The following CIT variants were observed in gnomAD, a reference collection of about 807,000 sequenced individuals.
CIT encodes citron Rho-interacting kinase.
In CIT, 79 loss-of-function variants were observed where a neutral mutation model predicts 272.7. That is an observed-to-expected ratio of 0.29 (90% CI 0.24 to 0.35). CIT has a LOEUF of 0.35. CIT is among the 10% of genes least tolerant of loss of function. The pLI is 1.00. For synonymous variants in CIT, 948 were observed against 995.6 expected (o/e 0.95, Z 0.90); for missense variants, 1,909 against 2,618.3 (o/e 0.73, Z 5.91).
At chr12:119,803,987 A>AC in intron 9 of CIT, 1 of 187,478 alleles carries the variant, frequency 5.3e-6, no homozygotes, top group Non-Finnish European at 9.4e-6. Context: ...CTTATTAACC[A>AC]CTTTTTTTTT....
At chr12:119,757,276 C>A in intron 22 of CIT, 95 bp downstream of exon 22, 1 of 1,482,622 alleles carries the variant, frequency 6.7e-7, no homozygotes, top group African/African-American at 1.4e-5. Flanking sequence ...AGCACAATGT[C>A]TCTTGTATAG....
At chr12:119,691,391 C>T (rs1230376707) in intron 46 of CIT, among the ~76,000 whole-genome samples, 1 of 152,142 alleles carries the variant, frequency 6.6e-6, no homozygotes, top group African/African-American at 2.4e-5. Flanking sequence ...CCATGTCTGT[C>T]CCACTCCTGG....
chr12:119,820,974 GTAAA>G (rs200026848), intron 9 of CIT, among the ~76,000 whole-genome samples: 3,285 of 152,010 alleles, frequency 0.022, 44 homozygotes, highest in Non-Finnish European at 0.033. Context: ...TGTCTCAAAA[GTAAA>G]TAAATAAAGA....
Position 119,712,999 on chromosome 12 carries a change from C to T in CIT, c.4579+204G>A. 1 of 613,928 alleles carries T rather than the reference C, an allele frequency of 1.6e-6. No homozygotes were observed. 38.0% of individuals were successfully genotyped at this position (613,928 alleles called of 1,614,324 possible). ...AGCAGGTGGAATCTTCAGGGCAGCG[C>T]CCTGCGGGTTCTTCAGGGGGGAGAC... On this transcript the variant is annotated intron_variant, in intron 35 of 47. Coordinates refer to ENST00000392521, the MANE Select transcript of CIT (RefSeq NM_001206999.2). This position sits in a 1 kb window ranked among gnomAD's most constrained non-coding sequence, Gnocchi z 5.2.
At position 119,770,748 on chromosome 12, in the gene CIT, G is replaced by A. The variant is rs751329202; in HGVS notation, c.2208+37C>T. Reference sequence around the variant, plus strand: ...CCCTTCCCTTTGCAAACTCTAACCTGTTATCTTTTAACTTTGCGACTTTCA... The same window carrying A: ...CCCTTCCCTTTGCAAACTCTAACCTATTATCTTTTAACTTTGCGACTTTCA... On this transcript the variant is annotated intron_variant, in intron 18 of 47. Transcript: ENST00000392521. This position sits in a 1 kb window ranked among gnomAD's most constrained non-coding sequence, Gnocchi z 4.4. 88 of 1,612,114 alleles carry A rather than the reference G, an allele frequency of 5.5e-5. No homozygotes were observed. Among genetic ancestry groups the A allele is most frequent in the East Asian group, 2.7e-4 (12 of 44,868 alleles).
rs1204472789 is a variant in CIT at position 119,686,098 on chromosome 12, T to G, written c.*2134A>C. On this transcript the variant is annotated 3_prime_UTR_variant, in exon 48 of 48. Transcript: ENST00000392521. ...AAAGTAAGTGTTGAAAAATGCACCT[T>G]TTACAATAAAAAAGTAGAAACCAAT... is the stretch of plus-strand genomic sequence containing the variant. 1 of 152,422 alleles carries G rather than the reference T, an allele frequency of 6.6e-6. No homozygotes were observed. Among genetic ancestry groups the G allele is most frequent in the African/African-American group, 2.4e-5 (1 of 41,394 alleles). The allele number at this position is 152,422 out of a possible 1,614,324, so 9.4% of individuals were successfully genotyped here.
intron 2 of CIT, among the ~76,000 whole-genome samples, chr12:119,870,549 CAAAAAAAAAA>C (rs57894300): frequency 7.6e-5 from 4 of 52,412 alleles, no homozygotes; most frequent in African/African-American, 2.7e-4. Context: ...GACTCCCTCT[CAAAAAAAAAA>C]AAAAAAAAAA....
intron 16 of CIT, among the ~76,000 whole-genome samples, chr12:119,775,459 C>T (rs1359843879): frequency 6.6e-6 from 1 of 152,178 alleles, no homozygotes; most frequent in African/African-American, 2.4e-5. Flanking sequence ...GGAACTACTT[C>T]TCTTACAAAT....
intron 24 of CIT, among the ~76,000 whole-genome samples, chr12:119,741,901 T>C (rs1959075640): frequency 6.6e-6 from 1 of 152,212 alleles, no homozygotes; most frequent in Admixed American, 6.5e-5. Context: ...CAAAGAGTCC[T>C]AGATTTTGAA....
chr12:119,844,638 T>C (rs1299310652), intron 5 of CIT, among the ~76,000 whole-genome samples: 2 of 152,198 alleles, frequency 1.3e-5, no homozygotes, highest in African/African-American at 4.8e-5. Context: ...GTGAAAACTA[T>C]ACCCTTAGCA....
At position 119,689,666 on chromosome 12, in the gene CIT, C is replaced by CTTTTT. The variant is rs531946559; in HGVS notation, c.6186+480_6186+484dup. Among the ~76,000 whole-genome samples the CTTTTT allele has an allele frequency of 2.3e-3, 175 of 75,076 alleles. 31 individuals carry two copies. Among genetic ancestry groups the CTTTTT allele is most frequent in the African/African-American group, 3.0e-3 (65 of 21,388 alleles). 49.3% of individuals were successfully genotyped at this position (75,076 alleles called of 152,430 possible). On this transcript the variant is annotated intron_variant, in intron 47 of 47. Transcript: ENST00000392521. Reference sequence around the variant, plus strand: ...ACGTTATCCATTTGCTTAGGAAGCTCTTTTTTTTTTTTTTTTTTTTTTTTT... The same window carrying CTTTTT: ...ACGTTATCCATTTGCTTAGGAAGCTCTTTTTTTTTTTTTTTTTTTTTTTTTTTTTT...
chr12:119,863,200 TC>T (rs1950413305), intron 3 of CIT, among the ~76,000 whole-genome samples: 2 of 46,626 alleles, frequency 4.3e-5, no homozygotes, highest in Non-Finnish European at 6.9e-5. Context: ...AGACTCTGTA[TC>T]AAAAAAAAAA....
intron 28 of CIT, among the ~76,000 whole-genome samples, chr12:119,722,781 T>A (rs1338417986): frequency 6.6e-6 from 1 of 152,208 alleles, no homozygotes; most frequent in Admixed American, 6.5e-5. Context: ...TGAATGTTTA[T>A]CCTCTCCATC....
Position 119,718,543 on chromosome 12 carries a change from C to A in CIT, c.4004-134G>T. The A allele has an allele frequency of 1.4e-6, 2 of 1,400,584 alleles. No homozygotes were observed. The highest frequency in any genetic ancestry group is 2.0e-6 in the Non-Finnish European group (2 of 1,021,380). The allele number at this position is 1,400,584 out of a possible 1,614,324, so 86.8% of individuals were successfully genotyped here. ...TGCGTCACATCAACTTGGCAATGCA[C>A]AGGGGCCATACGTTTTTCAGACATG... On this transcript the variant is annotated intron_variant, in intron 31 of 47. Coordinates refer to ENST00000392521, the MANE Select transcript of CIT (RefSeq NM_001206999.2). The surrounding 1 kb of genome is among the most constrained non-coding windows in gnomAD (Gnocchi z 4.8).
intron 10 of CIT, among the ~76,000 whole-genome samples, chr12:119,785,642 C>T (rs567837723): frequency 5.3e-5 from 8 of 152,232 alleles, no homozygotes; most frequent in African/African-American, 1.9e-4. Context: ...CGGCTCACTG[C>T]AACCTCGGCT....
chr12:119,743,068 T>C (rs541935668), intron 23 of CIT, among the ~76,000 whole-genome samples: 39 of 152,240 alleles, frequency 2.6e-4, no homozygotes, highest in African/African-American at 8.9e-4. Flanking sequence ...ATTTTTTCAG[T>C]TGACAAGGAC....
At chr12:119,771,987 C>T (rs1249811403) in intron 17 of CIT, among the ~76,000 whole-genome samples, 1 of 152,106 alleles carries the variant, frequency 6.6e-6, no homozygotes, top group African/African-American at 2.4e-5. Flanking sequence ...AAATCTGATG[C>T]ACCATTCAGG....
intron 5 of CIT, 86 bp from the exon 6 acceptor site, chr12:119,834,314 G>T: frequency 8.0e-7 from 1 of 1,243,218 alleles, no homozygotes. Flanking sequence ...CACCTGACGT[G>T]TTATAATAAC....
intron 46 of CIT, among the ~76,000 whole-genome samples, chr12:119,696,327 T>C (rs1956219709): frequency 6.6e-6 from 1 of 152,218 alleles, no homozygotes; most frequent in African/African-American, 2.4e-5. Flanking sequence ...AGGAACTTGC[T>C]GGAAAAGCAG....
Sources: gnomAD v4.1 joint callset for allele counts (sites outside exome capture counted in the v4.1 genomes callset) on GRCh38, gnomAD v4.1.1 for gene constraint, Gnocchi (gnomAD v3.1) non-coding constraint, MANE v1.5 for transcripts, NCBI Gene and HGNC (gene_info 2026-07-23, HGNC 2026-07-21) for gene names.